MYO3B: variants seen among roughly 807,000 people sequenced by gnomAD.
The protein encoded by MYO3B is myosin-IIIb.
In MYO3B, 156 loss-of-function variants were observed where a neutral mutation model predicts 174.6. The ratio of observed to expected loss-of-function variants is 0.89; its 90% CI spans 0.78 to 1.02. The LOEUF (loss-of-function observed/expected upper bound fraction) is 1.02, where lower values mean the gene tolerates loss of function less well. MYO3B is among the 50% of genes least tolerant of loss of function. The pLI, the probability that MYO3B is intolerant of heterozygous loss-of-function variation, is 0.00. For synonymous variants in MYO3B, 563 were observed against 569.1 expected (o/e 0.99, Z 0.15); for missense variants, 1,632 against 1,639.4 (o/e 1.00, Z 0.08).
chr2:170,326,304 A>C (rs989840250), intron 7 of MYO3B, among the ~76,000 whole-genome samples: 8 of 152,194 alleles, frequency 5.3e-5, no homozygotes, highest in Non-Finnish European at 1.2e-4. Context: ...TATTTGAAAC[A>C]CATCTCTTTA....
chr2:170,460,487 CAAAAAAAAAAA>C lies in MYO3B; in HGVS notation c.2731-2868_2731-2858del, dbSNP rs36000141. Among the ~76,000 whole-genome samples, 4 of 73,704 alleles carry C rather than the reference CAAAAAAAAAAA, an allele frequency of 5.4e-5. No homozygotes were observed. The South Asian group carries it at 2.1e-3, about 39-fold the overall frequency. The allele number at this position is 73,704 out of a possible 152,430, so 48.4% of individuals were successfully genotyped here. Reference sequence around the variant, plus strand: ...TAGGTGACAGAGTAAGACTCCGTCTCAAAAAAAAAAAAAAAAAAAAAAAGACATATGACCTA... The same window carrying C: ...TAGGTGACAGAGTAAGACTCCGTCTCAAAAAAAAAAAAGACATATGACCTA... On this transcript the variant is annotated intron_variant, in intron 23 of 34. Coordinates refer to ENST00000408978, the MANE Select transcript of MYO3B (RefSeq NM_138995.5).
chr2:170,410,659 A>C (rs548542298), intron 22 of MYO3B, among the ~76,000 whole-genome samples: 1 of 151,512 alleles, frequency 6.6e-6, no homozygotes, highest in South Asian at 2.1e-4. Context: ...AAGGAGGTCC[A>C]GTGCTGGACT....
chr2:170,615,693 A>G (rs534358551), intron 32 of MYO3B, among the ~76,000 whole-genome samples: 1 of 152,340 alleles, frequency 6.6e-6, no homozygotes, highest in South Asian at 2.1e-4. Flanking sequence ...CCACAATGCA[A>G]TGGGGCTCTC....
At chr2:170,302,095 T>C (rs997108657) in intron 7 of MYO3B, among the ~76,000 whole-genome samples, 39 of 152,060 alleles carry the variant, frequency 2.6e-4, no homozygotes, top group Admixed American at 2.4e-3. Flanking sequence ...ATACATCCTT[T>C]AGCAGCTCTC....
At position 170,519,696 on chromosome 2, in the gene MYO3B, G is replaced by C. The variant is rs1200246550; in HGVS notation, c.3575+156G>C. On this transcript the variant is annotated intron_variant, in intron 30 of 34. Coordinates refer to ENST00000408978, the MANE Select transcript of MYO3B (RefSeq NM_138995.5). Reference sequence around the variant, plus strand: ...AACCAAAAAGCGTTTCCAGGGCTGGGCGTGGTGGCTCATGCCTGTAATCCC... The same window carrying C: ...AACCAAAAAGCGTTTCCAGGGCTGGCCGTGGTGGCTCATGCCTGTAATCCC... 3 of 627,700 alleles carry C rather than the reference G, an allele frequency of 4.8e-6. No individual in the cohort carries two copies. The African/African-American group carries it at 5.6e-5, about 12-fold the overall frequency. 38.9% of individuals were successfully genotyped at this position (627,700 alleles called of 1,614,324 possible).
intron 32 of MYO3B, among the ~76,000 whole-genome samples, chr2:170,609,964 A>T (rs1695033872): frequency 6.6e-6 from 1 of 152,250 alleles, no homozygotes. Flanking sequence ...AAATGCCTGC[A>T]AAGGAAAGAG....
intron 32 of MYO3B, 36 bp from the exon 33 acceptor site, chr2:170,651,592 C>T (rs773752986): frequency 5.1e-6 from 8 of 1,576,260 alleles, no homozygotes; most frequent in Non-Finnish European, 6.1e-6. Flanking sequence ...CCCAACACCT[C>T]GGACAGTTTA....
At chr2:170,652,923 T>G in intron 34 of MYO3B, 60 bp from the exon 35 acceptor site, 5 of 1,599,042 alleles carry the variant, frequency 3.1e-6, no homozygotes, top group Non-Finnish European at 4.3e-6. Flanking sequence ...GCTGCCCCAG[T>G]GATGATTGTA....
intron 7 of MYO3B, among the ~76,000 whole-genome samples, chr2:170,249,450 TGCTTGA>T (rs768739180): frequency 4.6e-5 from 7 of 152,242 alleles, no homozygotes; most frequent in Non-Finnish European, 1.0e-4. Context: ...TATCAACATT[TGCTTGA>T]GGGAGAAGAG....
intron 7 of MYO3B, among the ~76,000 whole-genome samples, chr2:170,319,530 G>A (rs1285795123): frequency 6.6e-6 from 1 of 152,060 alleles, no homozygotes; most frequent in Non-Finnish European, 1.5e-5. Flanking sequence ...GAGCTACAAA[G>A]ACCCATGAGA....
intron 7 of MYO3B, among the ~76,000 whole-genome samples, chr2:170,268,133 C>A (rs751874544): frequency 3.9e-5 from 6 of 152,068 alleles, no homozygotes; most frequent in Non-Finnish European, 7.4e-5. Flanking sequence ...TCACTTGAAC[C>A]CGGGAGGCAG....
At chr2:170,311,825 A>T (rs564935840) in intron 7 of MYO3B, among the ~76,000 whole-genome samples, 1 of 152,198 alleles carries the variant, frequency 6.6e-6, no homozygotes, top group East Asian at 1.9e-4. Flanking sequence ...TTGTGTCTGT[A>T]TATGCAGTTT....
intron 6 of MYO3B, among the ~76,000 whole-genome samples, chr2:170,217,808 GT>G (rs1037143728): frequency 6.6e-6 from 1 of 152,122 alleles, no homozygotes; most frequent in Non-Finnish European, 1.5e-5. Flanking sequence ...GGCCCTGGTT[GT>G]TTTTTTGTTA....
chr2:170,299,103 A>G (rs2093647838), intron 7 of MYO3B, among the ~76,000 whole-genome samples: 1 of 152,196 alleles, frequency 6.6e-6, no homozygotes, highest in Non-Finnish European at 1.5e-5. Flanking sequence ...TCTTTAAGTG[A>G]TGCATGACTG....
At chr2:170,647,068 T>C in intron 32 of MYO3B, 1 of 399,554 alleles carries the variant, frequency 2.5e-6, no homozygotes, top group Admixed American at 4.0e-5. Context: ...CGTCTTCTTA[T>C]ACAGCTGAGA....
intron 32 of MYO3B, among the ~76,000 whole-genome samples, chr2:170,627,203 T>A (rs1696522349): frequency 6.6e-6 from 1 of 152,238 alleles, no homozygotes; most frequent in South Asian, 2.1e-4. Flanking sequence ...AGATGTAGAT[T>A]TGGTCTTTTC....
At chr2:170,222,857 A>C (rs1048401228) in intron 6 of MYO3B, among the ~76,000 whole-genome samples, 1 of 152,126 alleles carries the variant, frequency 6.6e-6, no homozygotes, top group Non-Finnish European at 1.5e-5. Flanking sequence ...TTTCCAAGGT[A>C]ATTAGTCAAC....
chr2:170,393,755 T>C (rs2094428665), intron 16 of MYO3B, among the ~76,000 whole-genome samples: 1 of 152,164 alleles, frequency 6.6e-6, no homozygotes. Flanking sequence ...TTTTTTTCTG[T>C]CTAGCCAGCT....
intron 7 of MYO3B, among the ~76,000 whole-genome samples, chr2:170,296,904 G>A (rs1486959018): frequency 6.6e-6 from 1 of 152,138 alleles, no homozygotes; most frequent in Non-Finnish European, 1.5e-5. Flanking sequence ...ACAACCACAT[G>A]TCATTAGAAC....
Sources: allele counts gnomAD v4.1 joint callset (sites outside exome capture counted in the v4.1 genomes callset), GRCh38; gene constraint gnomAD v4.1.1; transcripts MANE v1.5; gene names NCBI Gene and HGNC (gene_info 2026-07-23, HGNC 2026-07-21).